Variants in NLRP1 observed in about 807,000 individuals in gnomAD.
The protein encoded by NLRP1 is NLR family pyrin domain containing 1.
NLRP1 carries 94 observed loss-of-function variants against 136.7 expected under a neutral mutation model. That is an observed-to-expected ratio of 0.69 (90% CI 0.58 to 0.82). The LOEUF (loss-of-function observed/expected upper bound fraction) is 0.82. NLRP1 is among the 40% of genes least tolerant of loss of function. The pLI, the probability that NLRP1 is intolerant of heterozygous loss-of-function variation, is 0.00. For synonymous variants in NLRP1, 690 were observed against 725.1 expected (o/e 0.95, Z 0.78); for missense variants, 1,575 against 1,802.7 (o/e 0.87, Z 2.29).
At chr17:5,553,781 A>G (rs796745826) in intron 4 of NLRP1, among the ~76,000 whole-genome samples, 11 of 150,998 alleles carry the variant, frequency 7.3e-5, no homozygotes, top group African/African-American at 2.7e-4. Flanking sequence ...ACCATAGCAC[A>G]CTGAAGTGTT....
intron 5 of NLRP1, among the ~76,000 whole-genome samples, chr17:5,543,777 T>C (rs1912181193): frequency 6.6e-6 from 1 of 151,840 alleles, no homozygotes; most frequent in African/African-American, 2.4e-5. Context: ...CTTCGGGAGA[T>C]GTTTGGAGCA....
At chr17:5,576,381 A>G (rs1001700437) in intron 3 of NLRP1, among the ~76,000 whole-genome samples, 5 of 152,228 alleles carry the variant, frequency 3.3e-5, no homozygotes, top group African/African-American at 1.2e-4. Context: ...ACCGCTAGCA[A>G]GACGAATAAA....
Position 5,558,699 on chromosome 17 carries a change from A to C in NLRP1, c.1997T>G (p.Phe666Cys). The C allele has an allele frequency of 6.2e-7, 1 of 1,614,104 alleles. No homozygotes were observed. ...TLEAYGIHGL[F>C]GASTTRFLLG... is the part of the protein sequence containing the mutation. ...TAGGAAACGTGTGGTTGATGCCCCA[A>C]ACAGGCCATGTATTCCATATGCTTC... is the stretch of plus-strand genomic sequence containing the variant. The change falls in exon 4 of 17, where the codon TTT becomes TGT. Residue 666 changes from phenylalanine to cysteine, a missense_variant. Physicochemically the swap from Phe to Cys is radical, Grantham distance 205. Transcript: ENST00000572272.
rs200752257 is a variant in NLRP1, at chr17:5,514,913, C to T, written c.4263G>A (p.Thr1421=). The change falls in exon 17 of 17, where the codon ACG becomes ACA. Residue 1421 remains threonine, a synonymous_variant. Transcript: ENST00000572272. Reference sequence around the variant, plus strand: ...ACAGCTTCCGCATCTGGCTGGGCCTCGTGTTCTCAGCCAGCACCCTCTCGT... The same window carrying T: ...ACAGCTTCCGCATCTGGCTGGGCCTTGTGTTCTCAGCCAGCACCCTCTCGT... The part of the protein sequence containing the change: ...EQYERVLAEN[T]RPSQMRKLFS... 40 of 1,614,062 alleles carry T rather than the reference C, an allele frequency of 2.5e-5. No homozygotes were observed. The highest frequency in any genetic ancestry group is 1.6e-4 in the Middle Eastern group (1 of 6,084).
chr17:5,543,595 G>A (rs1912152847), intron 5 of NLRP1, among the ~76,000 whole-genome samples: 1 of 151,900 alleles, frequency 6.6e-6, no homozygotes, highest in Non-Finnish European at 1.5e-5. Flanking sequence ...GAGGGAGGTT[G>A]TAGTGAGCTG....
intron 5 of NLRP1, among the ~76,000 whole-genome samples, chr17:5,550,639 AC>A (rs879512632): frequency 6.6e-6 from 1 of 152,052 alleles, no homozygotes; most frequent in Non-Finnish European, 1.5e-5. Context: ...TAAAGAACTA[AC>A]TTTTAGTTTC....
chr17:5,525,922 A>G (rs1250240155), intron 12 of NLRP1, among the ~76,000 whole-genome samples: 1 of 151,910 alleles, frequency 6.6e-6, no homozygotes, highest in Non-Finnish European at 1.5e-5. Flanking sequence ...TCTTCCTCAA[A>G]CAACTCGGCC....
rs1910490873 is a variant in NLRP1, at chr17:5,532,860, C to T, written c.3258G>A (p.Val1086=). ...TTTCTTTGTCAACTACCTCAGTAGC[C>T]ACAGGCCCCGTGGGGCCCCAGAAGT... ...DDDFWGPTGP[V]ATEVVDKEKN... is the part of the protein sequence containing the mutation. The change falls in exon 11 of 17, where the codon GTG becomes GTA. Residue 1086 remains valine, a synonymous_variant. Transcript: ENST00000572272. 1 of 1,611,284 alleles carries T rather than the reference C, an allele frequency of 6.2e-7. No homozygotes were observed.
At position 5,537,040 on chromosome 17, in the gene NLRP1, G is replaced by A. The variant is rs1038487418; in HGVS notation, c.2871-100C>T. ...GGGACCTGTCACCTTCTGAGGCAGCGGCCGCAGGGTGGGTTCCCTGGAAGC... is the reference window on the plus strand; with the variant it reads ...GGGACCTGTCACCTTCTGAGGCAGCAGCCGCAGGGTGGGTTCCCTGGAAGC... On this transcript the variant is annotated intron_variant, in intron 7 of 16. Transcript: ENST00000572272. This position sits in a 1 kb window ranked among gnomAD's most constrained non-coding sequence, Gnocchi z 4.5. The A allele has an allele frequency of 1.4e-5, 11 of 802,770 alleles. No individual in the cohort carries two copies. The highest frequency in any genetic ancestry group is 1.7e-5 in the Non-Finnish European group (8 of 466,544). The allele number at this position is 802,770 out of a possible 1,614,324, so 49.7% of individuals were successfully genotyped here.
chr17:5,517,359 C>CCG lies in NLRP1; in HGVS notation c.4057+386_4057+387insCG, dbSNP rs1555542056. 5.4e-4 allele frequency among the ~76,000 whole-genome samples: 58 copies of CCG among 107,868 alleles called. 10 individuals carry two copies. Among genetic ancestry groups the CCG allele is most frequent in the Non-Finnish European group, 5.2e-4 (25 of 48,044 alleles). 70.8% of individuals were successfully genotyped at this position (107,868 alleles called of 152,430 possible). A position where few individuals can be genotyped will look rare whatever the true frequency, so the allele number is the denominator to read the frequency against. On this transcript the variant is annotated intron_variant, in intron 15 of 16. Transcript: ENST00000572272. Reference sequence around the variant, plus strand: ...TGATAGTGCACTCTGCACCCCCCCCCCTCCCACATACACAGACTTTCTTCC... The same window carrying CCG: ...TGATAGTGCACTCTGCACCCCCCCCCCGCTCCCACATACACAGACTTTCTTCC...
intron 12 of NLRP1, among the ~76,000 whole-genome samples, chr17:5,527,297 T>A (rs549813265): frequency 6.6e-6 from 1 of 152,328 alleles, no homozygotes; most frequent in African/African-American, 2.4e-5. Flanking sequence ...TAAGAAAGTT[T>A]ACGAATTCAC....
chr17:5,577,279 A>G (rs918092818), intron 3 of NLRP1, among the ~76,000 whole-genome samples: 13 of 152,336 alleles, frequency 8.5e-5, no homozygotes, highest in Non-Finnish European at 1.8e-4. Context: ...CAGGCAGGAG[A>G]AAGAAATAAA....
chr17:5,532,066 A>G (rs1910353465), intron 11 of NLRP1, among the ~76,000 whole-genome samples: 1 of 152,174 alleles, frequency 6.6e-6, no homozygotes, highest in African/African-American at 2.4e-5. Flanking sequence ...AATATGGTGA[A>G]ACCCCCATCT....
Position 5,559,395 on chromosome 17 carries a change from T to C in NLRP1, c.1301A>G (p.Gln434Arg). The C allele has an allele frequency of 6.2e-7, 1 of 1,614,098 alleles. No individual in the cohort carries two copies. Among genetic ancestry groups the C allele is most frequent in the Non-Finnish European group, 8.5e-7 (1 of 1,179,960 alleles). ...ACTGCCCAGCAGTGCATCCGCCGGC[T>C]GTGGCTGGCTCCAGTGCAGACAGAG... The part of the protein sequence containing the change: ...SELCLHWSQP[Q>R]PADALLGSLL... Residue 434 changes from glutamine to arginine, a missense_variant, in exon 4 of 17, where the codon CAG (glutamine) becomes CGG (arginine). Transcript: ENST00000572272.
intron 15 of NLRP1, among the ~76,000 whole-genome samples, chr17:5,516,406 A>G (rs1271150193): frequency 1.3e-5 from 2 of 152,234 alleles, no homozygotes; most frequent in Non-Finnish European, 2.9e-5. Context: ...TCTAACTTGC[A>G]TAACAAGAGT....
At chr17:5,532,439 C>T (rs576621692) in intron 11 of NLRP1, among the ~76,000 whole-genome samples, 4 of 151,980 alleles carry the variant, frequency 2.6e-5, no homozygotes, top group Middle Eastern at 3.4e-3. Context: ...TTTTGAGATG[C>T]GTAATGAAAT....
At position 5,532,949 on chromosome 17, in the gene NLRP1, A is replaced by G; in HGVS notation, c.3169T>C (p.Leu1057=). 6.2e-7 allele frequency: 1 copy of G among 1,613,982 alleles called. No individual in the cohort carries two copies. Among genetic ancestry groups the G allele is most frequent in the Non-Finnish European group, 8.5e-7 (1 of 1,179,922 alleles). The change falls in exon 11 of 17, where the codon TTG becomes CTG. Residue 1057 remains leucine (L), a synonymous_variant. Transcript: ENST00000572272. The part of the protein sequence containing the change: ...SSPEVVPVEL[L]CVPSPASQGD... Reference sequence around the variant, plus strand: ...TGAGAGGCAGGAGAAGGCACGCACAAGAGTTCCACCGGTACTACCTCTGGG... The same window carrying G: ...TGAGAGGCAGGAGAAGGCACGCACAGGAGTTCCACCGGTACTACCTCTGGG...
At chr17:5,562,867 C>G (rs569833236) in intron 3 of NLRP1, among the ~76,000 whole-genome samples, 5 of 152,312 alleles carry the variant, frequency 3.3e-5, no homozygotes, top group African/African-American at 1.2e-4. Context: ...CCCCACTGGA[C>G]TGTTGAGGCC....
Position 5,536,895 on chromosome 17 carries a change from C to CCT in NLRP1, c.2914_2915dup (p.Ala973GlyfsTer20). ...GCTGAGGTTTCTCCTGCTCCAGGGC[C>CCT]CTCAGTTCCTGCCTCATCTCATCAC... On this transcript the variant is annotated frameshift_variant, in exon 8 of 17. Coordinates refer to ENST00000572272, the MANE Select transcript of NLRP1 (RefSeq NM_033004.4). LOFTEE classifies it high-confidence loss of function. 6.2e-7 allele frequency: 1 copy of CCT among 1,613,906 alleles called. No individual in the cohort carries two copies. The highest frequency in any genetic ancestry group is 8.5e-7 in the Non-Finnish European group (1 of 1,179,788).
Sources: allele counts gnomAD v4.1 joint callset (sites outside exome capture counted in the v4.1 genomes callset), GRCh38; gene constraint gnomAD v4.1.1; non-coding constraint Gnocchi (gnomAD v3.1); transcripts MANE v1.5; gene names NCBI Gene and HGNC (gene_info 2026-07-23, HGNC 2026-07-21).